DLC1: variants seen among roughly 807,000 people sequenced by gnomAD.
DLC1 encodes the protein rho GTPase-activating protein 7.
DLC1 carries 54 observed loss-of-function variants against 140.3 expected under a neutral mutation model. That is an observed-to-expected ratio of 0.38 (90% CI 0.31 to 0.48). The LOEUF (loss-of-function observed/expected upper bound fraction) is 0.48. Ranked by LOEUF, DLC1 falls within the 20% of genes least tolerant of loss-of-function variation. The pLI is 0.96. For missense variants in DLC1, 2,536 were observed against 1,907.0 expected (o/e 1.33, Z -6.14); for synonymous variants, 986 against 728.1 (o/e 1.35, Z -5.70).
At chr8:13,140,286 G>A (rs2128969837) in intron 5 of DLC1, among the ~76,000 whole-genome samples, 1 of 152,268 alleles carries the variant, frequency 6.6e-6, no homozygotes, top group African/African-American at 2.4e-5. Flanking sequence ...AGGCTAGAGT[G>A]CAGTGGTGTG....
intron 4 of DLC1, among the ~76,000 whole-genome samples, chr8:13,346,803 C>T (rs939211687): frequency 6.6e-6 from 1 of 152,128 alleles, no homozygotes; most frequent in African/African-American, 2.4e-5. Flanking sequence ...ATATTTCTGA[C>T]AAGGTTCTAT....
intron 5 of DLC1, among the ~76,000 whole-genome samples, chr8:13,235,985 TAA>T (rs34878853): frequency 6.5e-4 from 99 of 151,232 alleles, no homozygotes; most frequent in Middle Eastern, 3.5e-3. Context: ...AAGTGAAATT[TAA>T]AAAAAAAACT....
rs10106612 is a variant in DLC1, at chr8:13,218,973, C to A, written c.1348+86296G>T. On this transcript the variant is annotated intron_variant, in intron 5 of 17. Transcript: ENST00000276297. ...AATTATATACGTATATAATTATATA[C>A]GTATATAACTATATAATTATATACG... Among the ~76,000 whole-genome samples the A allele has an allele frequency of 1.2e-4, 9 of 76,108 alleles. 1 individual carries two copies. The highest frequency in any genetic ancestry group is 4.2e-4 in the East Asian group (1 of 2,406). The allele number at this position is 76,108 out of a possible 152,430, so 49.9% of individuals were successfully genotyped here. A position where few individuals can be genotyped will look rare whatever the true frequency, so the allele number is the denominator to read the frequency against.
chr8:13,568,875 A>G (rs1433353148), intron 1 of DLC1, among the ~76,000 whole-genome samples: 1 of 152,218 alleles, frequency 6.6e-6, no homozygotes, highest in Non-Finnish European at 1.5e-5. Context: ...CAGACAAAAT[A>G]GATTGAGGAA....
At chr8:13,371,583 C>CT (rs36085176) in intron 4 of DLC1, among the ~76,000 whole-genome samples, 73,708 of 147,248 alleles carry the variant, frequency 0.5, 19,010 homozygotes, top group East Asian at 0.78. Context: ...CTCACAATGA[C>CT]TTTTTTTTTT....
chr8:13,447,880 CCT>C lies in DLC1; in HGVS notation c.1024-46263_1024-46262del, dbSNP rs200885155. Among the ~76,000 whole-genome samples the C allele has an allele frequency of 4.2e-3, 641 of 151,996 alleles. 8 individuals are homozygous for C. The highest frequency in any genetic ancestry group is 0.015 in the African/African-American group (622 of 41,474). On this transcript the variant is annotated intron_variant, in intron 2 of 17. Coordinates refer to ENST00000276297, the MANE Select transcript of DLC1 (RefSeq NM_182643.3). ...AAACTGTTCTCAAACATAAAAATACCCTGTCTCTAAATTTAACATTTTTAGGA... is the reference window on the plus strand; with the variant it reads ...AAACTGTTCTCAAACATAAAAATACCGTCTCTAAATTTAACATTTTTAGGA...
At chr8:13,357,072 C>T in intron 4 of DLC1, among the ~76,000 whole-genome samples, 1 of 151,940 alleles carries the variant, frequency 6.6e-6, no homozygotes, top group East Asian at 1.9e-4. Context: ...AGTTTGAGAC[C>T]AGCCTAGCCC....
Position 13,499,793 on chromosome 8 carries a change from A to G in DLC1, c.279T>C (p.Gly93=), listed in dbSNP as rs1268476232. ...CTTCCAGAGAAAGAAACTGATCTTC[A>G]CCTTCATGGCTGTCATTTTCGTCCA... ...KDVDENDSHE[G]EDQFLSLEAS... is the part of the protein sequence containing the mutation. The change falls in exon 2 of 18, where the codon GGT becomes GGC. Residue 93 remains glycine (G), a synonymous_variant. Transcript: ENST00000276297. 1.2e-6 allele frequency: 2 copies of G among 1,613,898 alleles called. No homozygotes were observed. The highest frequency in any genetic ancestry group is 1.3e-5 in the African/African-American group (1 of 74,922).
chr8:13,537,906 G>T (rs547413023), intron 1 of DLC1, among the ~76,000 whole-genome samples: 1 of 151,988 alleles, frequency 6.6e-6, no homozygotes, highest in East Asian at 1.9e-4. Flanking sequence ...CGCCCACCTC[G>T]GCCTCCCAAA....
intron 4 of DLC1, among the ~76,000 whole-genome samples, chr8:13,325,127 G>T (rs1833285793): frequency 6.6e-6 from 1 of 152,096 alleles, no homozygotes; most frequent in Admixed American, 6.6e-5. Context: ...TGTAACTTTT[G>T]GCAATTTATA....
intron 5 of DLC1, among the ~76,000 whole-genome samples, chr8:13,304,284 C>T (rs1483800803): frequency 1.3e-5 from 2 of 152,092 alleles, no homozygotes; most frequent in Admixed American, 1.3e-4. Context: ...TTCTCTTGAG[C>T]TGACATATGA....
chr8:13,314,703 A>G (rs1018500723), intron 4 of DLC1, among the ~76,000 whole-genome samples: 2 of 152,244 alleles, frequency 1.3e-5, no homozygotes, highest in Non-Finnish European at 2.9e-5. Flanking sequence ...AGCTCAAAAC[A>G]TAAACCATTA....
At chr8:13,459,533 AT>A (rs962326275) in intron 2 of DLC1, among the ~76,000 whole-genome samples, 2 of 152,178 alleles carry the variant, frequency 1.3e-5, no homozygotes, top group African/African-American at 4.8e-5. Context: ...AGAAATAAGT[AT>A]TGTCTCTCTG....
intron 2 of DLC1, among the ~76,000 whole-genome samples, chr8:13,473,309 TG>T (rs1185309443): frequency 1.3e-5 from 2 of 152,102 alleles, no homozygotes; most frequent in Non-Finnish European, 2.9e-5. Context: ...AATTGAATCA[TG>T]GGGGCAGGTC....
intron 2 of DLC1, among the ~76,000 whole-genome samples, chr8:13,497,508 T>C (rs1229453348): frequency 7.9e-5 from 12 of 152,224 alleles, no homozygotes; most frequent in Admixed American, 7.9e-4. Context: ...AAATGAGATA[T>C]AATTATAACT....
At chr8:13,213,248 T>G (rs999441423) in intron 5 of DLC1, among the ~76,000 whole-genome samples, 2 of 152,222 alleles carry the variant, frequency 1.3e-5, no homozygotes, top group African/African-American at 4.8e-5. Flanking sequence ...TACACAGACG[T>G]GTACATATAC....
At chr8:13,412,672 A>G (rs189075325) in intron 2 of DLC1, among the ~76,000 whole-genome samples, 34 of 152,128 alleles carry the variant, frequency 2.2e-4, no homozygotes, top group Admixed American at 1.9e-3. Flanking sequence ...GGTGGCTCAC[A>G]CCTGTAATCC....
At chr8:13,129,027 T>C (rs1821853363) in intron 5 of DLC1, among the ~76,000 whole-genome samples, 1 of 151,796 alleles carries the variant, frequency 6.6e-6, no homozygotes, top group Non-Finnish European at 1.5e-5. Context: ...TGGTAATCCC[T>C]AATAACACAA....
intron 7 of DLC1, among the ~76,000 whole-genome samples, chr8:13,103,749 A>T (rs762814733): frequency 6.6e-6 from 1 of 151,022 alleles, no homozygotes; most frequent in Non-Finnish European, 1.5e-5. Context: ...TGTGGCAGGA[A>T]GAATCGCTTG....
Sources: allele counts gnomAD v4.1 joint callset (sites outside exome capture counted in the v4.1 genomes callset), GRCh38; gene constraint gnomAD v4.1.1; transcripts MANE v1.5; gene names NCBI Gene and HGNC (gene_info 2026-07-23, HGNC 2026-07-21).